Variants in ZIC5 observed in about 807,000 individuals in gnomAD.
ZIC5 encodes the protein Zic family zinc finger 5, also known as zinc finger protein ZIC 5.
In ZIC5, 20 loss-of-function variants were observed where a neutral mutation model predicts 28.5. That is an observed-to-expected ratio of 0.70 (90% CI 0.49 to 1.02). The LOEUF is 1.02. ZIC5 is among the 50% of genes least tolerant of loss of function. The pLI is 0.00. For synonymous variants in ZIC5, 488 were observed against 410.4 expected, an observed-to-expected ratio of 1.19 and a Z score of -2.29; for missense variants, 951 against 899.7, an observed-to-expected ratio of 1.06 and a Z score of -0.73.
In ZIC5 at chr13:99,965,443, T is replaced by C; in HGVS notation, c.1854A>G (p.Gly618=). Residue 618 remains glycine, a synonymous_variant, in exon 2 of 2, where the codon GGA becomes GGG. Transcript: ENST00000267294. Reference sequence around the variant, plus strand: ...CCTCATCTTCAGTCTCAGAGGTGGTTCCGTTGCTGGAAGGGGTGTGGAGGT... The same window carrying C: ...CCTCATCTTCAGTCTCAGAGGTGGTCCCGTTGCTGGAAGGGGTGTGGAGGT... ...PSHLHTPSSN[G]TTSETEDEEI... is the part of the protein sequence containing the mutation. 6.2e-7 allele frequency: 1 copy of C among 1,614,144 alleles called. No individual in the cohort carries two copies. The highest frequency in any genetic ancestry group is 1.1e-5 in the South Asian group (1 of 91,076).
Position 99,971,215 on chromosome 13 carries a change from G to T in ZIC5, c.389C>A (p.Ala130Asp). Residue 130 changes from alanine to aspartate, a missense_variant, in exon 1 of 2, where the codon GCC (alanine) becomes GAC (aspartate). Coordinates refer to ENST00000267294, the MANE Select transcript of ZIC5 (RefSeq NM_033132.5). ...TGAAGGGGTGGGAGGAAGAGGAGGGGCTGGGGGCGGGGGCGCGGAGGGCTG... is the reference window on the plus strand; with the variant it reads ...TGAAGGGGTGGGAGGAAGAGGAGGGTCTGGGGGCGGGGGCGCGGAGGGCTG... ...GAQPSAPPPP[A>D]PPLPPTPSPP... The T allele has an allele frequency of 7.7e-7, 1 of 1,292,608 alleles. No homozygotes were observed. The highest frequency in any genetic ancestry group is 9.7e-7 in the Non-Finnish European group (1 of 1,027,490). The allele number at this position is 1,292,608 out of a possible 1,614,324, so 80.1% of individuals were successfully genotyped here.
In ZIC5 at chr13:99,970,969, TG is replaced by T; in HGVS notation, c.634del (p.His212ThrfsTer95). 7.2e-7 allele frequency: 1 copy of T among 1,392,720 alleles called. No individual in the cohort carries two copies. The highest frequency in any genetic ancestry group is 3.8e-5 in the Admixed American group (1 of 26,308). 86.3% of individuals were successfully genotyped at this position (1,392,720 alleles called of 1,614,324 possible). A position where few individuals can be genotyped will look rare whatever the true frequency, so the allele number is the denominator to read the frequency against. On this transcript the variant is annotated frameshift_variant, in exon 1 of 2. Transcript: ENST00000267294. LOFTEE classifies it high-confidence loss of function. Reference protein sequence around the residue: ...GSPQHPAPPPHSAGMFISASG... With the variant: ...GSPQHPAPPPXSAGMFISASG... ...GGCGGAGATGAACATGCCGGCCGAG[TG>T]GGGAGGCGGGGCCGGGTGCTGGGGG...
At position 99,963,178 on chromosome 13, in the gene ZIC5, A is replaced by G. The variant is rs531531224; in HGVS notation, c.*2199T>C. On this transcript the variant is annotated 3_prime_UTR_variant, in exon 2 of 2. Transcript: ENST00000267294. ...ATGCATGGTAAAATACATAAAATAC[A>G]TATTCCTTTGTTTCATAATAAATAA... is the stretch of plus-strand genomic sequence containing the variant. 1.3e-5 allele frequency: 2 copies of G among 152,608 alleles called. No individual in the cohort carries two copies. Among genetic ancestry groups the G allele is most frequent in the Non-Finnish European group, 2.9e-5 (2 of 68,020 alleles). The allele number at this position is 152,608 out of a possible 1,614,324, so 9.5% of individuals were successfully genotyped here. A position where few individuals can be genotyped will look rare whatever the true frequency, so the allele number is the denominator to read the frequency against.
Position 99,965,589 on chromosome 13 carries a change from G to A in ZIC5, c.1708C>T (p.Pro570Ser). Reference sequence around the variant, plus strand: ...ACAGGGGACAAGGGGGCGCCCACTGGAGTCCCCACTGATGAGTAACCAAGG... The same window carrying A: ...ACAGGGGACAAGGGGGCGCCCACTGAAGTCCCCACTGATGAGTAACCAAGG... Reference protein sequence around the residue: ...GPLGYSSVGTPVGAPLSPVLD... With the variant: ...GPLGYSSVGTSVGAPLSPVLD... Residue 570 changes from proline to serine, a missense_variant, in exon 2 of 2, where the codon CCA (proline) becomes TCA (serine). Pro to Ser is a moderately conservative substitution (Grantham distance 74). Transcript: ENST00000267294. 2 of 1,614,056 alleles carry A rather than the reference G, an allele frequency of 1.2e-6. No homozygotes were observed. Among genetic ancestry groups the A allele is most frequent in the Middle Eastern group, 1.6e-4 (1 of 6,062 alleles).
chr13:99,969,379 C>T (rs1372464363), intron 1 of ZIC5, among the ~76,000 whole-genome samples: 1 of 152,106 alleles, frequency 6.6e-6, no homozygotes, highest in Non-Finnish European at 1.5e-5. Flanking sequence ...TGTGAGAGGG[C>T]GCGTGGGGCG....
At position 99,970,887 on chromosome 13, in the gene ZIC5, C is replaced by G; in HGVS notation, c.717G>C (p.Leu239=). The G allele has an allele frequency of 7.6e-7, 1 of 1,310,798 alleles. No homozygotes were observed. The highest frequency in any genetic ancestry group is 9.6e-7 in the Non-Finnish European group (1 of 1,039,538). The allele number at this position is 1,310,798 out of a possible 1,614,324, so 81.2% of individuals were successfully genotyped here. A position where few individuals can be genotyped will look rare whatever the true frequency, so the allele number is the denominator to read the frequency against. ...GSGGPALFPA[L]HDTPGAPGGH... ...CGCCTGGGGCCCCCGGCGTGTCGTGCAGCGCGGGGAAGAGCGCCGGGCCGC... is the reference window on the plus strand; with the variant it reads ...CGCCTGGGGCCCCCGGCGTGTCGTGGAGCGCGGGGAAGAGCGCCGGGCCGC... The change falls in exon 1 of 2, where the codon CTG becomes CTC. Residue 239 remains leucine, a synonymous_variant. Transcript: ENST00000267294.
intron 1 of ZIC5, among the ~76,000 whole-genome samples, chr13:99,966,638 A>G (rs952290930): frequency 6.6e-6 from 1 of 152,224 alleles, no homozygotes; most frequent in Non-Finnish European, 1.5e-5. Context: ...ACTTTATGCC[A>G]TAAGTATACT....
rs1417288605 is a variant in ZIC5 at position 99,970,937 on chromosome 13, T to G, written c.667A>C (p.Thr223Pro). ...CCGCTGCCGTCCGGGCCCGCGTAGG[T>G]GCCGCTGGCGGAGATGAACATGCCG... ...SAGMFISASG[T>P]YAGPDGSGGP... Residue 223 changes from threonine (T) to proline (P), a missense_variant, in exon 1 of 2, where the codon ACC becomes CCC. Around this residue, in one of 3 missense-constraint regions of ZIC5, gnomAD observed 784 missense variants for 660.1 expected, o/e 1.19. Transcript: ENST00000267294. The G allele has an allele frequency of 1.2e-4, 172 of 1,388,968 alleles. No homozygotes were observed. Among genetic ancestry groups the G allele is most frequent in the Non-Finnish European group, 1.5e-4 (159 of 1,082,586 alleles). The allele number at this position is 1,388,968 out of a possible 1,614,324, so 86.0% of individuals were successfully genotyped here.
In ZIC5 at chr13:99,970,649, C is replaced by A. The variant is rs752692151; in HGVS notation, c.955G>T (p.Ala319Ser). The stretch of plus-strand genomic sequence containing the variant: ...AGGTGGGGCCCGGGCCCGGCCGCTG[C>A]TGCGGCCGCCGCAGCCGCCAGGTTC... ...NLNLAAAAAA[A>S]AAGPGPHLQH... The change falls in exon 1 of 2, where the codon GCA becomes TCA. Residue 319 changes from alanine to serine, a missense_variant. By Grantham distance (99) the Ala-to-Ser change is moderately conservative. This residue lies in a region of ZIC5 where 784 missense variants were observed against 660.1 expected (regional missense o/e 1.19). Coordinates refer to ENST00000267294, the MANE Select transcript of ZIC5 (RefSeq NM_033132.5). 7.0e-6 allele frequency: 8 copies of A among 1,139,196 alleles called. No individual in the cohort carries two copies. The South Asian group carries it at 1.1e-4, about 15-fold the overall frequency. The allele number at this position is 1,139,196 out of a possible 1,614,324, so 70.6% of individuals were successfully genotyped here.
chr13:99,967,375 A>C (rs1237595495), intron 1 of ZIC5, among the ~76,000 whole-genome samples: 1 of 152,260 alleles, frequency 6.6e-6, no homozygotes, highest in Non-Finnish European at 1.5e-5. Context: ...ACCCCATGAT[A>C]ATCACAACCT....
rs572792541 is a variant in ZIC5, at chr13:99,964,581, T to C, written c.*796A>G. On this transcript the variant is annotated 3_prime_UTR_variant, in exon 2 of 2. Coordinates refer to ENST00000267294, the MANE Select transcript of ZIC5 (RefSeq NM_033132.5). ...TTCACAGTTGTCTTTTGCAGCAGCT[T>C]TTCTTCTCTCCACTTTTGCTTGAAC... 8 of 152,712 alleles carry C rather than the reference T, an allele frequency of 5.2e-5. No individual in the cohort carries two copies. In the South Asian group the frequency reaches 1.5e-3, roughly 28 times the overall value. The allele number at this position is 152,712 out of a possible 1,614,324, so 9.5% of individuals were successfully genotyped here.
Position 99,965,006 on chromosome 13 carries a change from AATAT to A in ZIC5, c.*367_*370del, listed in dbSNP as rs201198811. On this transcript the variant is annotated 3_prime_UTR_variant, in exon 2 of 2. Transcript: ENST00000267294. Reference sequence around the variant, plus strand: ...TTTTTCTCCCCCTTTTAAAAAAAATAATATATATATATATGTATATATATATATA... The same window carrying A: ...TTTTTCTCCCCCTTTTAAAAAAAATAATATATATATGTATATATATATATA... 7.6e-6 allele frequency: 1 copy of A among 131,036 alleles called. No individual in the cohort carries two copies. Among genetic ancestry groups the A allele is most frequent in the Non-Finnish European group, 1.6e-5 (1 of 63,756 alleles). The allele number at this position is 131,036 out of a possible 1,614,324, so 8.1% of individuals were successfully genotyped here. A position where few individuals can be genotyped will look rare whatever the true frequency, so the allele number is the denominator to read the frequency against.
Position 99,970,364 on chromosome 13 carries a change from T to C in ZIC5, c.1240A>G (p.Met414Val), listed in dbSNP as rs1344055637. Reference sequence around the variant, plus strand: ...GTGACGTGATTCACCAGCTCGTGCATGGTGCCGAAAGTTTTGGAGCAGGGC... The same window carrying C: ...GTGACGTGATTCACCAGCTCGTGCACGGTGCCGAAAGTTTTGGAGCAGGGC... ...AKPCSKTFGT[M>V]HELVNHVTVE... The change falls in exon 1 of 2, where the codon ATG becomes GTG. Residue 414 changes from methionine to valine, a missense_variant. Met to Val is a conservative substitution (Grantham distance 21). Transcript: ENST00000267294. 18 of 1,586,328 alleles carry C rather than the reference T, an allele frequency of 1.1e-5. No individual in the cohort carries two copies. The highest frequency in any genetic ancestry group is 1.5e-5 in the Non-Finnish European group (18 of 1,169,318).
intron 1 of ZIC5, among the ~76,000 whole-genome samples, chr13:99,967,063 G>A (rs986321886): frequency 1.3e-5 from 2 of 152,210 alleles, no homozygotes; most frequent in Non-Finnish European, 2.9e-5. Flanking sequence ...CACTAGGTAT[G>A]ACATTTTCTT....
rs747498058 is a variant in ZIC5 at position 99,971,146 on chromosome 13, C to G, written c.458G>C (p.Gly153Ala). 91 of 1,396,332 alleles carry G rather than the reference C, an allele frequency of 6.5e-5. No individual in the cohort carries two copies. Among genetic ancestry groups the G allele is most frequent in the Non-Finnish European group, 7.8e-5 (84 of 1,083,354 alleles). 86.5% of individuals were successfully genotyped at this position (1,396,332 alleles called of 1,614,324 possible). The change falls in exon 1 of 2, where the codon GGC becomes GCC. Residue 153 changes from glycine (G) to alanine (A), a missense_variant. Around this residue, in one of 3 missense-constraint regions of ZIC5, gnomAD observed 784 missense variants for 660.1 expected, o/e 1.19. Coordinates refer to ENST00000267294, the MANE Select transcript of ZIC5 (RefSeq NM_033132.5). ...GCCGCCACTGTTGGTGGTGGTGTAG[C>G]CCGAGAGGGCAGGAGGAGGAGGAGG... The part of the protein sequence containing the change: ...PPPPPPPALS[G>A]YTTTNSGGGG...
chr13:99,965,649 T>A lies in ZIC5; in HGVS notation c.1648A>T (p.Ile550Phe), dbSNP rs543975408. The A allele has an allele frequency of 1.9e-6, 3 of 1,614,188 alleles. No homozygotes were observed. The highest frequency in any genetic ancestry group is 2.2e-5 in the South Asian group (2 of 91,082). Residue 550 changes from isoleucine to phenylalanine, a missense_variant, in exon 2 of 2, where the codon ATT (isoleucine) becomes TTT (phenylalanine). By Grantham distance (21) the Ile-to-Phe change is conservative. Coordinates refer to ENST00000267294, the MANE Select transcript of ZIC5 (RefSeq NM_033132.5). ...HPSSLRKHMKIHCKSPPPSPG... is the reference protein window; with the variant it reads ...HPSSLRKHMKFHCKSPPPSPG... Reference sequence around the variant, plus strand: ...GAAGGTGGCGGGGACTTGCAGTGAATCTTCATGTGCTTCCTCAGGGAGCTT... The same window carrying A: ...GAAGGTGGCGGGGACTTGCAGTGAAACTTCATGTGCTTCCTCAGGGAGCTT...
Position 99,970,584 on chromosome 13 carries a change from C to A in ZIC5, c.1020G>T (p.Pro340=). ...GCTGGTGCGGGTGCTGCGCGGGCGC[C>A]GGCGGCGGCGGCGGCGCCGGGGGCG... is the stretch of plus-strand genomic sequence containing the variant. The part of the protein sequence containing the change: ...HAPPPAPPPP[P]APAQHPHQHH... Residue 340 remains proline, a synonymous_variant, in exon 1 of 2, where the codon CCG becomes CCT. Transcript: ENST00000267294. 1 of 975,908 alleles carries A rather than the reference C, an allele frequency of 1.0e-6. No individual in the cohort carries two copies. Among genetic ancestry groups the A allele is most frequent in the Non-Finnish European group, 1.2e-6 (1 of 825,084 alleles). The allele number at this position is 975,908 out of a possible 1,614,324, so 60.5% of individuals were successfully genotyped here.
chr13:99,968,928 C>T (rs982742707), intron 1 of ZIC5, among the ~76,000 whole-genome samples: 1 of 152,188 alleles, frequency 6.6e-6, no homozygotes, highest in African/African-American at 2.4e-5. Flanking sequence ...GCCCCGAGCG[C>T]CCCCGGCCCG....
chr13:99,971,816 A>G (rs764730559), upstream of ZIC5: 23 of 1,142,572 alleles, frequency 2.0e-5, no homozygotes, highest in African/African-American at 3.1e-5. Context: ...TGGAAATGGC[A>G]CGGGTGGGAT....
Sources: allele counts gnomAD v4.1 joint callset (sites outside exome capture counted in the v4.1 genomes callset), GRCh38; gene constraint gnomAD v4.1.1; regional missense constraint gnomAD v4.1.1; transcripts MANE v1.5; gene names NCBI Gene and HGNC (gene_info 2026-07-23, HGNC 2026-07-21).